Variants in INO80D observed in about 807,000 individuals in gnomAD.
The protein encoded by INO80D is INO80 complex subunit D.
In INO80D, 21 loss-of-function variants were observed where a neutral mutation model predicts 87.6. That is an observed-to-expected ratio of 0.24 (90% confidence interval 0.17 to 0.35). The LOEUF (loss-of-function observed/expected upper bound fraction) is 0.35, where lower values mean the gene tolerates loss of function less well. Among genes scored for constraint, INO80D ranks in the 10% least tolerant of loss-of-function variants. The probability of loss-of-function intolerance (pLI) is 1.00; values close to 1 mark genes in which losing one functional copy is unlikely to be tolerated. For missense variants in INO80D, 982 were observed against 1,280.7 expected (o/e 0.77, Z 3.56); for synonymous variants, 440 against 491.0 (o/e 0.90, Z 1.37).
chr2:206,039,656 C>CAAA (rs542997369), intron 5 of INO80D, among the ~76,000 whole-genome samples: 14 of 150,364 alleles, frequency 9.3e-5, no homozygotes, highest in Admixed American at 3.3e-4. Flanking sequence ...ACTAAAAATA[C>CAAA]AAAATTAGCT....
chr2:206,037,022 GAA>G (rs2105848236), intron 5 of INO80D, among the ~76,000 whole-genome samples: 1 of 152,274 alleles, frequency 6.6e-6, no homozygotes, highest in East Asian at 1.9e-4. Flanking sequence ...AGAGAATTGA[GAA>G]GAGAAAGGCC....
chr2:206,041,656 C>T (rs1297030811), intron 5 of INO80D, among the ~76,000 whole-genome samples: 1 of 152,164 alleles, frequency 6.6e-6, no homozygotes, highest in Non-Finnish European at 1.5e-5. Flanking sequence ...ACAAACATCA[C>T]CACAGATGTA....
At chr2:206,036,410 G>A (rs551461197) in intron 5 of INO80D, among the ~76,000 whole-genome samples, 39 of 152,318 alleles carry the variant, frequency 2.6e-4, no homozygotes, top group African/African-American at 9.1e-4. Context: ...CCATAAAAAG[G>A]AATGAATTAA....
chr2:206,025,523 C>A (rs1688583976), intron 6 of INO80D: 1 of 58,468 alleles, frequency 1.7e-5, no homozygotes, highest in Non-Finnish European at 3.5e-5. Flanking sequence ...AGTGAAACTC[C>A]ATCTCAAAAA....
intron 5 of INO80D, among the ~76,000 whole-genome samples, chr2:206,038,846 A>C (rs1381444875): frequency 2.0e-5 from 3 of 152,142 alleles, no homozygotes; most frequent in African/African-American, 7.2e-5. Context: ...CTAAAGTTAG[A>C]AGCAGAGAAA....
At chr2:206,033,317 A>C (rs1282264683) in intron 5 of INO80D, among the ~76,000 whole-genome samples, 1 of 152,222 alleles carries the variant, frequency 6.6e-6, no homozygotes, top group Non-Finnish European at 1.5e-5. Context: ...AACTTTCTCC[A>C]AGATAGACCA....
intron 5 of INO80D, among the ~76,000 whole-genome samples, chr2:206,033,704 C>G (rs1431040742): frequency 2.0e-5 from 3 of 151,948 alleles, no homozygotes; most frequent in Non-Finnish European, 2.9e-5. Context: ...GAAACTAAAC[C>G]CAAACCCAGC....
At chr2:206,072,586 A>G (rs1338993003) in intron 1 of INO80D, among the ~76,000 whole-genome samples, 3 of 151,916 alleles carry the variant, frequency 2.0e-5, no homozygotes, top group South Asian at 4.1e-4. Flanking sequence ...CGTAATTCAT[A>G]TATTTTGATT....
intron 8 of INO80D, among the ~76,000 whole-genome samples, chr2:206,012,931 T>A (rs1688217729): frequency 6.6e-6 from 1 of 150,618 alleles, no homozygotes; most frequent in South Asian, 2.1e-4. Flanking sequence ...CCAGTGTCAG[T>A]CTCTCATAGG....
intron 4 of INO80D, among the ~76,000 whole-genome samples, chr2:206,048,892 C>T (rs1387515729): frequency 6.6e-6 from 1 of 152,082 alleles, no homozygotes; most frequent in Non-Finnish European, 1.5e-5. Context: ...AGAGCAAGGC[C>T]CTGTCTCTAA....
intron 1 of INO80D, among the ~76,000 whole-genome samples, chr2:206,074,587 C>T (rs576105671): frequency 5.8e-4 from 88 of 152,126 alleles, no homozygotes; most frequent in African/African-American, 2.1e-3. Context: ...ACACTCCAAC[C>T]TGTCTAAAAA....
intron 8 of INO80D, among the ~76,000 whole-genome samples, chr2:206,010,981 G>T (rs1340589979): frequency 6.6e-6 from 1 of 151,620 alleles, no homozygotes; most frequent in East Asian, 1.9e-4. Flanking sequence ...GGGAGGCTGA[G>T]GCAACGGAAT....
intron 1 of INO80D, among the ~76,000 whole-genome samples, chr2:206,073,189 A>C (rs1454248244): frequency 6.6e-6 from 1 of 152,152 alleles, no homozygotes; most frequent in Admixed American, 6.6e-5. Flanking sequence ...TGTTCTGTAA[A>C]CTGGAAACAG....
intron 5 of INO80D, among the ~76,000 whole-genome samples, chr2:206,031,399 T>C (rs1217477537): frequency 2.0e-5 from 3 of 152,052 alleles, no homozygotes; most frequent in Non-Finnish European, 4.4e-5. Flanking sequence ...GTCTCATTCA[T>C]AGAAAAAGGA....
At chr2:206,061,291 G>A (rs768002691) in intron 3 of INO80D, among the ~76,000 whole-genome samples, 4 of 152,116 alleles carry the variant, frequency 2.6e-5, no homozygotes, top group Non-Finnish European at 4.4e-5. Flanking sequence ...GATTACAGGC[G>A]TGAGCCATCA....
chr2:206,084,273 A>ACACACACACCCC, intron 1 of INO80D, among the ~76,000 whole-genome samples: 1 of 144,508 alleles, frequency 6.9e-6, no homozygotes, highest in Middle Eastern at 3.5e-3. Flanking sequence ...ACACACACAC[A>ACACACACACCCC]CCCCAAAACC....
chr2:206,065,813 G>A (rs1689800663), intron 1 of INO80D, among the ~76,000 whole-genome samples: 1 of 152,140 alleles, frequency 6.6e-6, no homozygotes, highest in Admixed American at 6.6e-5. Flanking sequence ...AATCGTCAGG[G>A]AAATACAAAT....
chr2:206,004,585 A>C lies in INO80D; in HGVS notation c.2867T>G (p.Met956Arg). Residue 956 changes from methionine (M) to arginine (R), a missense_variant, in exon 11 of 11, where the codon ATG (methionine) becomes AGG (arginine). Transcript: ENST00000403263. The surrounding 1 kb of genome is among the most constrained non-coding windows in gnomAD (Gnocchi z 4.9). ...GGCCATTAGTTCAGCAGAAGGCCCC[A>C]TGCCACTGAAGCTGGTCTGTGGTAA... is the stretch of plus-strand genomic sequence containing the variant. ...PGLPQTSFSG[M>R]GPSAELMAST... The C allele has an allele frequency of 1.2e-6, 2 of 1,611,926 alleles. No homozygotes were observed. Among genetic ancestry groups the C allele is most frequent in the Non-Finnish European group, 1.7e-6 (2 of 1,179,020 alleles).
At chr2:206,015,893 A>G (rs1226460941) in intron 8 of INO80D, among the ~76,000 whole-genome samples, 1 of 152,160 alleles carries the variant, frequency 6.6e-6, no homozygotes, top group Admixed American at 6.5e-5. Context: ...TCTCCAAAAA[A>G]AAAAAATGTA....
Sources: gnomAD v4.1 joint callset for allele counts (sites outside exome capture counted in the v4.1 genomes callset) on GRCh38, gnomAD v4.1.1 for gene constraint, Gnocchi (gnomAD v3.1) non-coding constraint, MANE v1.5 for transcripts, NCBI Gene and HGNC (gene_info 2026-07-23, HGNC 2026-07-21) for gene names.